PCDHA7: variants seen among roughly 807,000 people sequenced by gnomAD.
PCDHA7 encodes the protein protocadherin alpha 7.
Under a neutral mutation model 57.2 loss-of-function variants are expected in PCDHA7, and 37 were observed. The observed-to-expected ratio is 0.65, with a 90% confidence interval of 0.50 to 0.85. The LOEUF is 0.85. Among genes scored for constraint, PCDHA7 ranks in the 40% least tolerant of loss-of-function variants. The probability of loss-of-function intolerance (pLI) is 0.00; values close to 1 mark genes in which losing one functional copy is unlikely to be tolerated. For synonymous variants in PCDHA7, 553 were observed against 558.8 expected, an observed-to-expected ratio of 0.99 and a Z score of 0.15; for missense variants, 1,188 against 1,241.8, an observed-to-expected ratio of 0.96 and a Z score of 0.65.
intron 1 of PCDHA7, chr5:140,858,285 G>T: frequency 6.3e-7 from 1 of 1,597,520 alleles, no homozygotes; most frequent in Non-Finnish European, 8.6e-7. Flanking sequence ...GTGGGGAGCT[G>T]GTCTTACTCG....
intron 1 of PCDHA7, chr5:140,883,711 C>T (rs1554179442): frequency 2.5e-6 from 4 of 1,613,576 alleles, no homozygotes; most frequent in Non-Finnish European, 3.4e-6. Flanking sequence ...CTGCTCAGGA[C>T]GCGGACGCAC....
intron 1 of PCDHA7, chr5:140,966,947 G>A (rs782439197): frequency 6.2e-7 from 1 of 1,603,520 alleles, no homozygotes; most frequent in Middle Eastern, 1.7e-4. Context: ...CGTGGGCAAC[G>A]TGGCTCGCGC....
chr5:140,965,440 T>C (rs1028835719), intron 1 of PCDHA7, among the ~76,000 whole-genome samples: 42 of 151,984 alleles, frequency 2.8e-4, no homozygotes, highest in Admixed American at 1.3e-4. Context: ...GTCATTGAAA[T>C]TGCTGGTTAT....
intron 1 of PCDHA7, among the ~76,000 whole-genome samples, chr5:140,941,562 G>A (rs1032844993): frequency 1.3e-5 from 2 of 151,596 alleles, no homozygotes; most frequent in African/African-American, 2.4e-5. Flanking sequence ...TGATCCATTC[G>A]CCTCAGCCTC....
In PCDHA7 at chr5:140,969,008, G is replaced by C. The variant is rs782541476; in HGVS notation, c.2356-9941G>C. 29 of 1,614,076 alleles carry C rather than the reference G, an allele frequency of 1.8e-5. 1 individual carries two copies. In the Admixed American group the frequency reaches 4.8e-4, roughly 27 times the overall value. Reference sequence around the variant, plus strand: ...TGCATGCTGTGGAGGCTTCTGTGGAGTAAGGGAAAGGTCCCCTGCAGAACT... The same window carrying C: ...TGCATGCTGTGGAGGCTTCTGTGGACTAAGGGAAAGGTCCCCTGCAGAACT... On this transcript the variant is annotated intron_variant, in intron 1 of 3. Coordinates refer to ENST00000525929, the MANE Select transcript of PCDHA7 (RefSeq NM_018910.3).
At chr5:140,849,350 T>C in intron 1 of PCDHA7, 1 of 1,437,842 alleles carries the variant, frequency 7.0e-7, no homozygotes, top group Non-Finnish European at 9.5e-7. Flanking sequence ...CCAGTGATGT[T>C]TCTCCAGATA....
At chr5:140,908,692 C>G (rs2074096551) in intron 1 of PCDHA7, among the ~76,000 whole-genome samples, 1 of 152,208 alleles carries the variant, frequency 6.6e-6, no homozygotes, top group South Asian at 2.1e-4. Context: ...CTGCCACTGA[C>G]ACCTCAAGCA....
intron 1 of PCDHA7, chr5:140,884,328 T>C: frequency 1.2e-6 from 2 of 1,613,822 alleles, no homozygotes; most frequent in Non-Finnish European, 1.7e-6. Flanking sequence ...GCAGGCGCTG[T>C]GGGTCCAGAA....
chr5:140,997,781 C>G (rs1207024588), intron 3 of PCDHA7, among the ~76,000 whole-genome samples: 1 of 151,626 alleles, frequency 6.6e-6, no homozygotes, highest in Non-Finnish European at 1.5e-5. Context: ...TGTTGTATAC[C>G]TATATTATAA....
chr5:140,944,697 T>C (rs1227405627), intron 1 of PCDHA7, among the ~76,000 whole-genome samples: 1 of 152,198 alleles, frequency 6.6e-6, no homozygotes, highest in Non-Finnish European at 1.5e-5. Context: ...ATAACAGTAA[T>C]TATCAGGTTA....
At chr5:140,957,490 G>T (rs921873894) in intron 1 of PCDHA7, among the ~76,000 whole-genome samples, 1 of 152,130 alleles carries the variant, frequency 6.6e-6, no homozygotes, top group South Asian at 2.1e-4. Context: ...CATAGTATAT[G>T]TAGAATTCAG....
chr5:140,862,236 A>G (rs2047269421), intron 1 of PCDHA7: 1 of 213,620 alleles, frequency 4.7e-6, no homozygotes, highest in African/African-American at 2.3e-5. Context: ...CTTGGACATC[A>G]ATGATAGTGT....
rs782684247 is a variant in PCDHA7, at chr5:140,870,024, A to T, written c.2355+33286A>T. The T allele has an allele frequency of 3.1e-6, 5 of 1,613,624 alleles. No individual in the cohort carries two copies. The Admixed American group carries it at 6.7e-5, about 22-fold the overall frequency. On this transcript the variant is annotated intron_variant, in intron 1 of 3. Coordinates refer to ENST00000525929, the MANE Select transcript of PCDHA7 (RefSeq NM_018910.3). The stretch of plus-strand genomic sequence containing the variant: ...GAGAAGTGAGGGTCAATGGAACTTT[A>T]GATTATGAAGAAAACAAGTTTTATA...
intron 1 of PCDHA7, among the ~76,000 whole-genome samples, chr5:140,913,413 G>A (rs976186231): frequency 3.3e-5 from 5 of 152,050 alleles, no homozygotes; most frequent in Non-Finnish European, 5.9e-5. Flanking sequence ...TTGAATTCCT[G>A]CAGTATCAGT....
intron 1 of PCDHA7, among the ~76,000 whole-genome samples, chr5:140,891,271 G>A (rs782182381): frequency 7.9e-5 from 12 of 151,678 alleles, no homozygotes; most frequent in South Asian, 4.2e-4. Flanking sequence ...TAATTTTTCC[G>A]TAAGTTATTG....
intron 1 of PCDHA7, chr5:140,862,721 C>T (rs1019011354): frequency 3.5e-6 from 2 of 566,878 alleles, no homozygotes; most frequent in Admixed American, 3.8e-5. Context: ...GGCGAGTGCG[C>T]GCTGTCTAGC....
In PCDHA7 at chr5:140,850,297, C is replaced by T. The variant is rs2150478357; in HGVS notation, c.2355+13559C>T. The stretch of plus-strand genomic sequence containing the variant: ...AAGGTGCGCGCAGTGGACGCCGACT[C>T]GGGCTACAACGCGTGGCTTTCATAC... On this transcript the variant is annotated intron_variant, in intron 1 of 3. Coordinates refer to ENST00000525929, the MANE Select transcript of PCDHA7 (RefSeq NM_018910.3). The T allele has an allele frequency of 2.5e-6, 4 of 1,596,320 alleles. No homozygotes were observed. The Admixed American group carries it at 5.1e-5, about 20-fold the overall frequency.
intron 1 of PCDHA7, among the ~76,000 whole-genome samples, chr5:140,921,651 C>T (rs155817): frequency 0.33 from 49,637 of 151,902 alleles, 8,394 homozygotes; most frequent in East Asian, 0.53. Context: ...TTTAAGGGAA[C>T]TTAATAAAAA....
At chr5:140,862,688 A>G in intron 1 of PCDHA7, 1 of 553,472 alleles carries the variant, frequency 1.8e-6, no homozygotes, top group Non-Finnish European at 3.6e-6. Flanking sequence ...CTGGTGTCCT[A>G]CTCGTTGATG....
Sources: gnomAD v4.1 joint callset for allele counts (sites outside exome capture counted in the v4.1 genomes callset) on GRCh38, gnomAD v4.1.1 for gene constraint, MANE v1.5 for transcripts, NCBI Gene and HGNC (gene_info 2026-07-23, HGNC 2026-07-21) for gene names.